Variants in RASAL2 observed in about 807,000 individuals in gnomAD.
RASAL2 encodes ras GTPase-activating protein nGAP.
In RASAL2, 58 loss-of-function variants were observed where a neutral mutation model predicts 128.9. That is an observed-to-expected ratio of 0.45 (90% CI 0.36 to 0.56). RASAL2 has a LOEUF of 0.56. RASAL2 is among the 20% of genes least tolerant of loss of function. The probability of loss-of-function intolerance (pLI) is 0.00; values close to 1 mark genes in which losing one functional copy is unlikely to be tolerated. For missense variants in RASAL2, 1,360 were observed against 1,601.6 expected (o/e 0.85, Z 2.57); for synonymous variants, 561 against 580.8 (o/e 0.97, Z 0.49).
intron 1 of RASAL2, among the ~76,000 whole-genome samples, chr1:178,138,804 C>G (rs1176904632): frequency 6.6e-6 from 1 of 151,898 alleles, no homozygotes; most frequent in Non-Finnish European, 1.5e-5. Flanking sequence ...CCTCGAAGGA[C>G]TTTTGTGAGT....
In RASAL2 at chr1:178,138,836, A is replaced by ATC. The variant is rs1660427491; in HGVS notation, c.202+44142_202+44143insTC. ...GAGTATCAAATCAATTTATATATAT[A>ATC]AGGTAGTTAGAACAGTTCCTTCCAT... On this transcript the variant is annotated intron_variant, in intron 1 of 17. Transcript: ENST00000367649. Among the ~76,000 whole-genome samples, 3 of 152,210 alleles carry ATC rather than the reference A, an allele frequency of 2.0e-5. No individual in the cohort carries two copies. In the South Asian group the frequency reaches 6.2e-4, roughly 32 times the overall value.
At chr1:178,383,945 A>G (rs1390038484) in intron 3 of RASAL2, among the ~76,000 whole-genome samples, 1 of 152,238 alleles carries the variant, frequency 6.6e-6, no homozygotes, top group Non-Finnish European at 1.5e-5. Flanking sequence ...GGGTACACAA[A>G]CAGTTTGGTT....
chr1:178,473,151 G>C lies in RASAL2; in HGVS notation c.3755G>C (p.Ser1252Thr). 6.2e-7 allele frequency: 1 copy of C among 1,614,212 alleles called. No homozygotes were observed. The highest frequency in any genetic ancestry group is 8.5e-7 in the Non-Finnish European group (1 of 1,180,040). The stretch of plus-strand genomic sequence containing the variant: ...CTGACCCAAGTGAAGGAGCGGTACA[G>C]CATGCAGGTCCGCAATGGCATCTCC... ...SALTQVKERY[S>T]MQVRNGISPT... Residue 1252 changes from serine (S) to threonine (T), a missense_variant, in exon 18 of 18, where the codon AGC (serine) becomes ACC (threonine). By Grantham distance (58) the Ser-to-Thr change is moderately conservative. Transcript: ENST00000367649.
chr1:178,457,537 T>A (rs1005854584), intron 13 of RASAL2, 146 bp from the exon 14 acceptor site: 6 of 845,450 alleles, frequency 7.1e-6, no homozygotes, highest in South Asian at 5.6e-5. Context: ...TTGTAATAAT[T>A]CCCTAATTAG....
At chr1:178,264,989 A>G (rs1399190001) in intron 1 of RASAL2, among the ~76,000 whole-genome samples, 3 of 152,184 alleles carry the variant, frequency 2.0e-5, no homozygotes, top group African/African-American at 4.8e-5. Context: ...ATGAATAACA[A>G]AAGATGCTTC....
intron 3 of RASAL2, among the ~76,000 whole-genome samples, chr1:178,372,641 TTTTAC>T (rs1421043940): frequency 2.6e-5 from 4 of 152,130 alleles, no homozygotes; most frequent in Admixed American, 1.3e-4. Context: ...AATATTATTG[TTTTAC>T]TTTACTCTCA....
intron 9 of RASAL2, among the ~76,000 whole-genome samples, chr1:178,449,029 G>C (rs1013699704): frequency 2.0e-5 from 3 of 152,224 alleles, no homozygotes; most frequent in Admixed American, 2.0e-4. Context: ...TTCAGGACAG[G>C]GGCTGTATTG....
chr1:178,095,293 A>G (rs1048222152), intron 1 of RASAL2, among the ~76,000 whole-genome samples: 1 of 152,246 alleles, frequency 6.6e-6, no homozygotes, highest in Non-Finnish European at 1.5e-5. Flanking sequence ...TCAGCAGGTT[A>G]AAAGTGATGA....
intron 1 of RASAL2, among the ~76,000 whole-genome samples, chr1:178,205,626 G>A (rs377402239): frequency 9.9e-5 from 15 of 151,830 alleles, no homozygotes; most frequent in African/African-American, 1.9e-4. Context: ...GTGTGGTGGC[G>A]GGCGCCTATA....
At chr1:178,437,517 T>C (rs1484659611) in intron 5 of RASAL2, among the ~76,000 whole-genome samples, 2 of 152,090 alleles carry the variant, frequency 1.3e-5, no homozygotes, top group Non-Finnish European at 2.9e-5. Flanking sequence ...GCTTTAGAAA[T>C]TTTTCCTAGA....
chr1:178,130,133 A>G lies in RASAL2; in HGVS notation c.202+35439A>G, dbSNP rs140038268. Among the ~76,000 whole-genome samples the G allele has an allele frequency of 2.4e-3, 367 of 152,272 alleles. 1 individual carries two copies. Among genetic ancestry groups the G allele is most frequent in the African/African-American group, 8.6e-3 (356 of 41,566 alleles). On this transcript the variant is annotated intron_variant, in intron 1 of 17. Coordinates refer to ENST00000367649, the MANE Select transcript of RASAL2 (RefSeq NM_170692.4). ...CAGCAGGGCAGTTTATAAAACAATT[A>G]CTATATAGTGCATTTAAGATAATGT... is the stretch of plus-strand genomic sequence containing the variant.
Position 178,442,958 on chromosome 1 carries a change from G to A in RASAL2, c.1211G>A (p.Ser404Asn), listed in dbSNP as rs200027654. Reference protein sequence around the residue: ...YVGLVNIPTASVTGRQFVEKW... With the variant: ...YVGLVNIPTANVTGRQFVEKW... ...GGGCTAGTCAACATCCCCACTGCCA[G>A]TGTGACTGGTCGCCAATTTGTAGAA... Residue 404 changes from serine to asparagine, a missense_variant, in exon 8 of 18, where the codon AGT (serine) becomes AAT (asparagine). Ser to Asn is a conservative substitution (Grantham distance 46). Around this residue, in one of 3 missense-constraint regions of RASAL2, gnomAD observed 617 missense variants for 714.2 expected, o/e 0.86. Transcript: ENST00000367649. 43 of 1,614,056 alleles carry A rather than the reference G, an allele frequency of 2.7e-5. No homozygotes were observed. In the East Asian group the frequency reaches 7.4e-4, roughly 28 times the overall value.
In RASAL2 at chr1:178,094,498, G is replaced by A. The variant is rs1167073409; in HGVS notation, c.6G>A (p.Glu2=). Residue 2 remains glutamate (E), a synonymous_variant, in exon 1 of 18, where the codon GAG becomes GAA. Transcript: ENST00000367649. M[E]LSPSSGGAAE... ...CCCTCCCGCCTCGGGGCACCATGGAGCTCTCTCCGTCGTCCGGAGGAGCCG... is the reference window on the plus strand; with the variant it reads ...CCCTCCCGCCTCGGGGCACCATGGAACTCTCTCCGTCGTCCGGAGGAGCCG... 1 of 1,554,380 alleles carries A rather than the reference G, an allele frequency of 6.4e-7. No homozygotes were observed. Among genetic ancestry groups the A allele is most frequent in the East Asian group, 2.4e-5 (1 of 41,220 alleles).
chr1:178,259,575 A>ATGTTT (rs1665557808), intron 1 of RASAL2, among the ~76,000 whole-genome samples: 1 of 152,214 alleles, frequency 6.6e-6, no homozygotes, highest in Admixed American at 6.5e-5. Flanking sequence ...GGTAAACTAC[A>ATGTTT]TGTTTTGTTT....
At chr1:178,385,224 G>A (rs1052394150) in intron 3 of RASAL2, among the ~76,000 whole-genome samples, 1 of 152,174 alleles carries the variant, frequency 6.6e-6, no homozygotes, top group South Asian at 2.1e-4. Context: ...AGGCCAAGGC[G>A]AGTGGATCAT....
intron 3 of RASAL2, among the ~76,000 whole-genome samples, chr1:178,344,541 C>T (rs1670047693): frequency 6.6e-6 from 1 of 152,190 alleles, no homozygotes; most frequent in African/African-American, 2.4e-5. Flanking sequence ...TGCCCTTCTG[C>T]TCCAGTCTTG....
At chr1:178,255,885 C>G (rs1665321226) in intron 1 of RASAL2, among the ~76,000 whole-genome samples, 1 of 152,072 alleles carries the variant, frequency 6.6e-6, no homozygotes, top group Non-Finnish European at 1.5e-5. Flanking sequence ...ACAATCCAAT[C>G]AAAAGCGCTT....
At position 178,465,981 on chromosome 1, in the gene RASAL2, A is replaced by C; in HGVS notation, c.3449A>C (p.Glu1150Ala). ...RLRVSSRRLE[E>A]YERRLLVQEQ... The stretch of plus-strand genomic sequence containing the variant: ...AGAGTTTCCAGCCGGCGACTGGAGG[A>C]ATATGAACGCCGCTTGCTGGTGCAG... The change falls in exon 16 of 18, where the codon GAA becomes GCA. Residue 1150 changes from glutamate (E) to alanine (A), a missense_variant. Glu to Ala is a moderately radical substitution (Grantham distance 107, BLOSUM62 -1). This residue lies in a region of RASAL2 where 741 missense variants were observed against 868.6 expected (regional missense o/e 0.85). Transcript: ENST00000367649. 1 of 1,558,166 alleles carries C rather than the reference A, an allele frequency of 6.4e-7. No homozygotes were observed. Among genetic ancestry groups the C allele is most frequent in the East Asian group, 2.4e-5 (1 of 41,622 alleles).
chr1:178,348,311 A>G (rs1670257117), intron 3 of RASAL2, among the ~76,000 whole-genome samples: 1 of 151,982 alleles, frequency 6.6e-6, no homozygotes, highest in Admixed American at 6.6e-5. Flanking sequence ...TTCTTGAGAC[A>G]AGGTCTTTCT....
Sources: allele counts gnomAD v4.1 joint callset (sites outside exome capture counted in the v4.1 genomes callset), GRCh38; gene constraint gnomAD v4.1.1; regional missense constraint gnomAD v4.1.1; transcripts MANE v1.5; gene names NCBI Gene and HGNC (gene_info 2026-07-23, HGNC 2026-07-21).